The following MECOM variants were observed in gnomAD, a reference collection of about 807,000 sequenced individuals.
MECOM encodes the protein MDS1 and EVI1 complex locus, also known as histone-lysine N-methyltransferase MECOM.
Under a neutral mutation model 116.3 loss-of-function variants are expected in MECOM, and 13 were observed. The observed-to-expected ratio is 0.11, with a 90% confidence interval of 0.07 to 0.18. The LOEUF (loss-of-function observed/expected upper bound fraction) is 0.18. Among genes scored for constraint, MECOM ranks in the 10% least tolerant of loss-of-function variants. MECOM has a pLI of 1.00. For missense variants in MECOM, 1,299 were observed against 1,509.0 expected (o/e 0.86, Z 2.31); for synonymous variants, 528 against 535.2 (o/e 0.99, Z 0.19).
chr3:169,296,001 T>G (rs927299405), intron 2 of MECOM, among the ~76,000 whole-genome samples: 5 of 152,358 alleles, frequency 3.3e-5, no homozygotes, highest in East Asian at 3.9e-4. Flanking sequence ...GACCTTGCTC[T>G]GGCCTGATTC....
chr3:169,628,930 A>G (rs1049664485), intron 1 of MECOM, among the ~76,000 whole-genome samples: 2 of 152,086 alleles, frequency 1.3e-5, no homozygotes, highest in Non-Finnish European at 2.9e-5. Flanking sequence ...TGGCCACTCC[A>G]CTTTAGGATA....
At chr3:169,091,056 A>C (rs1719550463) in intron 14 of MECOM, among the ~76,000 whole-genome samples, 1 of 152,142 alleles carries the variant, frequency 6.6e-6, no homozygotes, top group Non-Finnish European at 1.5e-5. Flanking sequence ...TATCATTATT[A>C]AGCTTTTAAT....
intron 1 of MECOM, among the ~76,000 whole-genome samples, chr3:169,520,708 G>T (rs956466255): frequency 6.6e-6 from 1 of 151,904 alleles, no homozygotes. Flanking sequence ...ACAAACACAG[G>T]TCACTATTTA....
chr3:169,231,421 G>A (rs771762230), intron 2 of MECOM, among the ~76,000 whole-genome samples: 2 of 152,052 alleles, frequency 1.3e-5, no homozygotes, highest in Non-Finnish European at 2.9e-5. Context: ...ATCATAACAA[G>A]TAAATGTAAA....
chr3:169,539,492 C>A lies in MECOM; in HGVS notation c.37+123844G>T, dbSNP rs185123311. Among the ~76,000 whole-genome samples the A allele has an allele frequency of 1.4e-4, 21 of 152,300 alleles. No individual in the cohort carries two copies. In the East Asian group the frequency reaches 4.0e-3, roughly 29 times the overall value. On this transcript the variant is annotated intron_variant, in intron 1 of 16. Transcript: ENST00000651503. Reference sequence around the variant, plus strand: ...TCAAACTCAACATGTTCCTGCCATGCTATCCTCTTCCAGTGTCTGTCTATG... The same window carrying A: ...TCAAACTCAACATGTTCCTGCCATGATATCCTCTTCCAGTGTCTGTCTATG...
At chr3:169,561,718 C>A (rs985465069) in intron 1 of MECOM, among the ~76,000 whole-genome samples, 1 of 152,130 alleles carries the variant, frequency 6.6e-6, no homozygotes, top group Non-Finnish European at 1.5e-5. Flanking sequence ...CACACAGGCA[C>A]GCACACTTAA....
chr3:169,454,381 T>A (rs889224502), intron 1 of MECOM, among the ~76,000 whole-genome samples: 4 of 133,268 alleles, frequency 3.0e-5, no homozygotes, highest in African/African-American at 1.0e-4. Flanking sequence ...TGTAGCAACT[T>A]TCTTTCAGGA....
intron 2 of MECOM, chr3:169,147,723 TGTGTGTGTGTGCGCGCGA>T (rs1740336238): frequency 3.1e-6 from 3 of 979,166 alleles, no homozygotes; most frequent in Non-Finnish European, 3.6e-6. Flanking sequence ...GTGGTGTGTG[TGTGTGTGTGTGCGCGCGA>T]GTGTGTGTGT....
intron 1 of MECOM, among the ~76,000 whole-genome samples, chr3:169,397,230 T>C (rs539218169): frequency 2.0e-5 from 3 of 152,280 alleles, no homozygotes; most frequent in South Asian, 4.1e-4. Context: ...AACATAGTCA[T>C]TGACATGGTA....
intron 1 of MECOM, among the ~76,000 whole-genome samples, chr3:169,608,044 C>A (rs996293940): frequency 1.3e-5 from 2 of 152,344 alleles, no homozygotes; most frequent in South Asian, 4.1e-4. Context: ...TTTACTGCTA[C>A]CACTTGCACC....
At chr3:169,472,662 GGAA>G (rs1749715493) in intron 1 of MECOM, among the ~76,000 whole-genome samples, 3 of 107,238 alleles carry the variant, frequency 2.8e-5, no homozygotes, top group Admixed American at 1.1e-4. Context: ...AGAAAAGAAA[GGAA>G]AGGAAAGGAG....
chr3:169,462,607 T>C (rs1280909062), intron 1 of MECOM, among the ~76,000 whole-genome samples: 2 of 152,176 alleles, frequency 1.3e-5, no homozygotes, highest in Non-Finnish European at 2.9e-5. Flanking sequence ...AAATGAAGAC[T>C]TGAAATTTTT....
At chr3:169,285,495 G>A (rs1713093068) in intron 2 of MECOM, among the ~76,000 whole-genome samples, 1 of 152,182 alleles carries the variant, frequency 6.6e-6, no homozygotes, top group East Asian at 1.9e-4. Context: ...ATGGTCAGCT[G>A]AATTTGCATG....
intron 1 of MECOM, among the ~76,000 whole-genome samples, chr3:169,554,539 G>A (rs1761809121): frequency 6.6e-6 from 1 of 152,106 alleles, no homozygotes; most frequent in Admixed American, 6.5e-5. Context: ...CCAAAACCAG[G>A]CAGAGGTCTT....
intron 1 of MECOM, among the ~76,000 whole-genome samples, chr3:169,615,529 T>C (rs1769891539): frequency 1.3e-5 from 2 of 152,208 alleles, no homozygotes; most frequent in Non-Finnish European, 1.5e-5. Context: ...TTTCTACATG[T>C]TGAAATTTTC....
At chr3:169,507,787 G>A (rs1438638737) in intron 1 of MECOM, among the ~76,000 whole-genome samples, 3 of 144,876 alleles carry the variant, frequency 2.1e-5, no homozygotes, top group Non-Finnish European at 3.0e-5. Flanking sequence ...TCAGCCTCCC[G>A]AGTAGCTGGG....
chr3:169,523,346 G>A (rs1300560652), intron 1 of MECOM, among the ~76,000 whole-genome samples: 1 of 152,098 alleles, frequency 6.6e-6, no homozygotes, highest in Non-Finnish European at 1.5e-5. Flanking sequence ...GGTTCTGCTG[G>A]TTGGGAGAGA....
chr3:169,324,648 T>C (rs1721536677), intron 2 of MECOM, among the ~76,000 whole-genome samples: 1 of 152,150 alleles, frequency 6.6e-6, no homozygotes, highest in African/African-American at 2.4e-5. Context: ...GATCCTCGGA[T>C]TCTCCCTCCT....
At chr3:169,202,793 C>A (rs1749339513) in intron 2 of MECOM, among the ~76,000 whole-genome samples, 1 of 115,566 alleles carries the variant, frequency 8.7e-6, no homozygotes, top group South Asian at 2.7e-4. Context: ...GTACTAAAAG[C>A]ATCTGGTAAA....
Sources: allele counts gnomAD v4.1 joint callset (sites outside exome capture counted in the v4.1 genomes callset), GRCh38; gene constraint gnomAD v4.1.1; transcripts MANE v1.5; gene names NCBI Gene and HGNC (gene_info 2026-07-23, HGNC 2026-07-21).